Variants in UBXN2B observed in about 807,000 individuals in gnomAD.
UBXN2B encodes UBX domain-containing protein 2B.
UBXN2B carries 19 observed loss-of-function variants against 37.5 expected under a neutral mutation model. The observed-to-expected ratio is 0.51, with a 90% CI of 0.35 to 0.74. The LOEUF is 0.74. UBXN2B is among the 30% of genes least tolerant of loss of function. UBXN2B has a pLI of 0.01. For synonymous variants in UBXN2B, 145 were observed against 143.8 expected (o/e 1.01, Z -0.06); for missense variants, 370 against 393.2 (o/e 0.94, Z 0.50).
At chr8:58,419,424 C>G (rs1278447628) in intron 2 of UBXN2B, among the ~76,000 whole-genome samples, 3 of 152,142 alleles carry the variant, frequency 2.0e-5, no homozygotes, top group Non-Finnish European at 2.9e-5. Flanking sequence ...GTTTCATTAT[C>G]TGAAACTCTG....
intron 2 of UBXN2B, among the ~76,000 whole-genome samples, chr8:58,418,380 CCTGTTTTGAATTT>C (rs1417656917): frequency 2.0e-5 from 3 of 151,634 alleles, no homozygotes; most frequent in Admixed American, 6.6e-5. Context: ...TTTAATTATT[CCTGTTTTGAATTT>C]CTGAATACAC....
chr8:58,426,558 A>G (rs375795339), intron 2 of UBXN2B: 3 of 752,534 alleles, frequency 4.0e-6, no homozygotes, highest in Middle Eastern at 2.4e-4. Context: ...TCTAACAAAA[A>G]GTGTGAAGTC....
At chr8:58,424,831 A>G in intron 2 of UBXN2B, 2 of 1,433,752 alleles carry the variant, frequency 1.4e-6, no homozygotes, top group Middle Eastern at 1.9e-4. Context: ...CGCCATATAG[A>G]TAAATCGGTA....
intron 5 of UBXN2B, chr8:58,434,853 G>A (rs1585612554): frequency 2.0e-6 from 3 of 1,535,530 alleles, no homozygotes. Context: ...GCTTACTGTT[G>A]ACAGGGTGAC....
chr8:58,428,709 G>A (rs536448096), intron 2 of UBXN2B, among the ~76,000 whole-genome samples: 1 of 152,298 alleles, frequency 6.6e-6, no homozygotes, highest in East Asian at 1.9e-4. Flanking sequence ...AAACATTCAT[G>A]AAGAATTAAA....
rs779714037 is a variant in UBXN2B at position 58,451,221 on chromosome 8, A to T, written c.*3670A>T. ...ATACAAAAACAACTGCCATTTTTGT[A>T]TATAATAGTCTTCCAAGATAGAGAT... is the stretch of plus-strand genomic sequence containing the variant. On this transcript the variant is annotated 3_prime_UTR_variant, in exon 8 of 8. Transcript: ENST00000399598. 1 of 152,438 alleles carries T rather than the reference A, an allele frequency of 6.6e-6. No homozygotes were observed. Among genetic ancestry groups the T allele is most frequent in the Non-Finnish European group, 1.5e-5 (1 of 68,046 alleles). 9.4% of individuals were successfully genotyped at this position (152,438 alleles called of 1,614,324 possible). A position where few individuals can be genotyped will look rare whatever the true frequency, so the allele number is the denominator to read the frequency against.
At chr8:58,446,370 A>C (rs1427670616) in intron 7 of UBXN2B, among the ~76,000 whole-genome samples, 2 of 152,228 alleles carry the variant, frequency 1.3e-5, no homozygotes, top group African/African-American at 2.4e-5. Context: ...AAGTCGAATC[A>C]GATTTAATTT....
intron 2 of UBXN2B, among the ~76,000 whole-genome samples, chr8:58,429,530 C>T (rs922702259): frequency 2.6e-5 from 4 of 152,284 alleles, no homozygotes; most frequent in Admixed American, 2.0e-4. Flanking sequence ...GTAGGGTTCT[C>T]CTGGTGTCTC....
chr8:58,415,418 T>A (rs1409773639), intron 1 of UBXN2B, among the ~76,000 whole-genome samples: 1 of 152,068 alleles, frequency 6.6e-6, no homozygotes, highest in Non-Finnish European at 1.5e-5. Flanking sequence ...AGACTGTGTA[T>A]GTGCATGTCT....
At position 58,445,947 on chromosome 8, in the gene UBXN2B, G is replaced by A; in HGVS notation, c.712G>A (p.Glu238Lys). Reference protein sequence around the residue: ...EIVSTPSSPEEEDKSILNAVV... With the variant: ...EIVSTPSSPEKEDKSILNAVV... The stretch of plus-strand genomic sequence containing the variant: ...AGTCAGTACACCTTCCTCTCCAGAA[G>A]AGGAGGATAAATCAATACTTAATGC... Residue 238 changes from glutamate to lysine, a missense_variant, in exon 7 of 8, where the codon GAG (glutamate) becomes AAG (lysine). By Grantham distance (56) the Glu-to-Lys change is moderately conservative. Around this residue, in one of 3 missense-constraint regions of UBXN2B, gnomAD observed 90 missense variants for 139.4 expected, o/e 0.65. Coordinates refer to ENST00000399598, the MANE Select transcript of UBXN2B (RefSeq NM_001077619.2). The A allele has an allele frequency of 1.2e-6, 2 of 1,611,978 alleles. No homozygotes were observed. The highest frequency in any genetic ancestry group is 1.7e-6 in the Non-Finnish European group (2 of 1,179,318).
intron 5 of UBXN2B, among the ~76,000 whole-genome samples, chr8:58,436,931 A>C (rs1346489565): frequency 6.6e-6 from 1 of 152,222 alleles, no homozygotes; most frequent in Non-Finnish European, 1.5e-5. Flanking sequence ...ATAGCAGTAC[A>C]AACAGACTAA....
intron 1 of UBXN2B, among the ~76,000 whole-genome samples, chr8:58,415,782 T>C (rs1287734887): frequency 6.6e-6 from 1 of 152,074 alleles, no homozygotes; most frequent in African/African-American, 2.4e-5. Context: ...CCAAACACTT[T>C]TATAATTCAG....
Position 58,446,036 on chromosome 8 carries a change from T to A in UBXN2B, c.801T>A (p.Ser267Arg), listed in dbSNP as rs377183764. 117 of 1,612,208 alleles carry A rather than the reference T, an allele frequency of 7.3e-5. No homozygotes were observed. The highest frequency in any genetic ancestry group is 9.3e-5 in the Non-Finnish European group (110 of 1,179,562). ...TTCAAATCAGGTTAGCAGATGGGAGTCGTTTGATACAAAGATTCAATAGTA... is the reference window on the plus strand; with the variant it reads ...TTCAAATCAGGTTAGCAGATGGGAGACGTTTGATACAAAGATTCAATAGTA... ...TKIQIRLADGSRLIQRFNSTH... is the reference protein window; with the variant it reads ...TKIQIRLADGRRLIQRFNSTH... The change falls in exon 7 of 8, where the codon AGT becomes AGA. Residue 267 changes from serine (S) to arginine (R), a missense_variant. Around this residue, in one of 3 missense-constraint regions of UBXN2B, gnomAD observed 83 missense variants for 83.5 expected, o/e 0.99. Transcript: ENST00000399598.
chr8:58,431,376 G>T (rs2129604213), intron 3 of UBXN2B, among the ~76,000 whole-genome samples: 1 of 152,312 alleles, frequency 6.6e-6, no homozygotes, highest in Non-Finnish European at 1.5e-5. Context: ...ATGCCCTTCA[G>T]ATCTGTCAGA....
Position 58,451,036 on chromosome 8 carries a change from A to G in UBXN2B, c.*3485A>G, listed in dbSNP as rs1296585802. 6.6e-6 allele frequency: 1 copy of G among 152,668 alleles called. No homozygotes were observed. Among genetic ancestry groups the G allele is most frequent in the African/African-American group, 2.4e-5 (1 of 41,466 alleles). The allele number at this position is 152,668 out of a possible 1,614,324, so 9.5% of individuals were successfully genotyped here. ...GGGTAAAACAACTTTTTCATGGGTCAAAATCATCTTCCGAAGAAAATGATT... is the reference window on the plus strand; with the variant it reads ...GGGTAAAACAACTTTTTCATGGGTCGAAATCATCTTCCGAAGAAAATGATT... On this transcript the variant is annotated 3_prime_UTR_variant, in exon 8 of 8. Transcript: ENST00000399598.
At chr8:58,439,874 C>T in intron 6 of UBXN2B, 104 bp downstream of exon 6, 1 of 1,079,330 alleles carries the variant, frequency 9.3e-7, no homozygotes. Flanking sequence ...AAATATGAAC[C>T]ATGCACATTA....
Position 58,449,975 on chromosome 8 carries a change from GTC to G in UBXN2B, c.*2428_*2429del, listed in dbSNP as rs959168772. ...TCACGTATCTTTCCTGGAAAATCCT[GTC>G]TCTGTTTTTGGCTTTTTCTGAAATA... is the stretch of plus-strand genomic sequence containing the variant. On this transcript the variant is annotated 3_prime_UTR_variant, in exon 8 of 8. Coordinates refer to ENST00000399598, the MANE Select transcript of UBXN2B (RefSeq NM_001077619.2). The G allele has an allele frequency of 1.3e-5, 2 of 152,152 alleles. No individual in the cohort carries two copies. Among genetic ancestry groups the G allele is most frequent in the Admixed American group, 1.3e-4 (2 of 15,274 alleles). The allele number at this position is 152,152 out of a possible 1,614,324, so 9.4% of individuals were successfully genotyped here.
intron 2 of UBXN2B, among the ~76,000 whole-genome samples, chr8:58,430,031 A>G (rs532735699): frequency 6.6e-6 from 1 of 152,352 alleles, no homozygotes; most frequent in East Asian, 1.9e-4. Flanking sequence ...CTTAAATCCA[A>G]AAATCTCTGA....
At chr8:58,418,135 G>A (rs1320954503) in intron 2 of UBXN2B, among the ~76,000 whole-genome samples, 1 of 151,744 alleles carries the variant, frequency 6.6e-6, no homozygotes, top group Non-Finnish European at 1.5e-5. Context: ...CAGCTACTTG[G>A]GAGGCTGAGG....
Sources: allele counts gnomAD v4.1 joint callset (sites outside exome capture counted in the v4.1 genomes callset), GRCh38; gene constraint gnomAD v4.1.1; regional missense constraint gnomAD v4.1.1; transcripts MANE v1.5; gene names NCBI Gene and HGNC (gene_info 2026-07-23, HGNC 2026-07-21).